TCEA2: variants seen among roughly 807,000 people sequenced by gnomAD.
TCEA2 encodes the protein transcription elongation factor A2.
In TCEA2, 21 loss-of-function variants were observed where a neutral mutation model predicts 40.8. The ratio of observed to expected loss-of-function variants is 0.51; its 90% CI spans 0.36 to 0.74. TCEA2 has a LOEUF of 0.74. TCEA2 is among the 30% of genes least tolerant of loss of function. TCEA2 has a pLI of 0.00. For synonymous variants in TCEA2, 165 were observed against 162.7 expected (o/e 1.01, Z -0.11); for missense variants, 326 against 426.5 (o/e 0.76, Z 2.08).
chr20:64,059,334 C>A (rs1229694396), upstream of TCEA2, among the ~76,000 whole-genome samples: 2 of 152,192 alleles, frequency 1.3e-5, no homozygotes, highest in Non-Finnish European at 2.9e-5. Flanking sequence ...CCCGACCGCC[C>A]CCCACCAGCT....
intron 1 of TCEA2, 76 bp from the exon 2 acceptor site, chr20:64,066,400 C>A: frequency 6.5e-7 from 1 of 1,546,924 alleles, no homozygotes; most frequent in Non-Finnish European, 8.9e-7. Flanking sequence ...TTGTGTTCTC[C>A]TCCAGTAGGC....
chr20:64,069,880 G>A (rs757784962), intron 6 of TCEA2, 59 bp downstream of exon 6: 2 of 1,592,692 alleles, frequency 1.3e-6, no homozygotes, highest in Non-Finnish European at 1.7e-6. Flanking sequence ...AGGCTGCCTG[G>A]CCTGGTGCCC....
At chr20:64,058,658 C>A (rs895226310), upstream of TCEA2, among the ~76,000 whole-genome samples, 1 of 152,264 alleles carries the variant, frequency 6.6e-6, no homozygotes, top group Non-Finnish European at 1.5e-5. The surrounding 1 kb of genome is among the most constrained non-coding windows in gnomAD (Gnocchi z 6.7). Context: ...GTTCTACCAA[C>A]ACACAGTTAT....
intron 6 of TCEA2, 121 bp downstream of exon 6, chr20:64,069,942 G>C: frequency 7.9e-7 from 1 of 1,265,356 alleles, no homozygotes; most frequent in African/African-American, 1.5e-5. Context: ...CACCTGCCTG[G>C]GTGGTCACCT....
At chr20:64,060,402 C>T (rs1056144798), upstream of TCEA2, among the ~76,000 whole-genome samples, 1 of 152,248 alleles carries the variant, frequency 6.6e-6, no homozygotes, top group Admixed American at 6.5e-5. Flanking sequence ...GAAACCCTGG[C>T]CGCCCGGACC....
chr20:64,063,776 G>A (rs1219359935), intron 1 of TCEA2: 3 of 208,210 alleles, frequency 1.4e-5, no homozygotes, highest in East Asian at 2.4e-4. Flanking sequence ...CGGGGTGTTC[G>A]GGCCTCCTCT....
chr20:64,072,271 G>A lies in TCEA2; in HGVS notation c.*91G>A. ...CTCTGGAGACCCTAGAAGGCGGCAT[G>A]TCCTGCCCTCAACCTGCCTGCCTGG... On this transcript the variant is annotated 3_prime_UTR_variant, in exon 10 of 10. Transcript: ENST00000343484. 1 of 1,447,280 alleles carries A rather than the reference G, an allele frequency of 6.9e-7. No individual in the cohort carries two copies. Among genetic ancestry groups the A allele is most frequent in the Non-Finnish European group, 9.5e-7 (1 of 1,051,478 alleles). 89.7% of individuals were successfully genotyped at this position (1,447,280 alleles called of 1,614,324 possible).
In TCEA2 at chr20:64,070,412, G is replaced by A. The variant is rs1328414158; in HGVS notation, c.670G>A (p.Glu224Lys). The A allele has an allele frequency of 1.2e-6, 2 of 1,614,034 alleles. No homozygotes were observed. The highest frequency in any genetic ancestry group is 1.7e-6 in the Non-Finnish European group (2 of 1,180,042). ...CCAGCAGATCGCTGTGATGACCTCA[G>A]AGGTGAGCCCCTGTTGGAGGGGCTG... ...TPQQIAVMTS[E>K]EMASDELKEI... Residue 224 changes from glutamate (E) to lysine (K), a missense_variant and splice_region_variant, in exon 7 of 10, where the codon GAG becomes AAG. Glu to Lys is a moderately conservative substitution (Grantham distance 56). Coordinates refer to ENST00000343484, the MANE Select transcript of TCEA2 (RefSeq NM_003195.6).
intron 8 of TCEA2, among the ~76,000 whole-genome samples, chr20:64,071,199 T>G (rs2059822011): frequency 6.6e-6 from 1 of 152,016 alleles, no homozygotes; most frequent in South Asian, 2.1e-4. Context: ...AATACAAAAA[T>G]TAGCTGGGCG....
intron 6 of TCEA2, 36 bp downstream of exon 6, chr20:64,069,857 T>C: frequency 1.2e-6 from 2 of 1,608,708 alleles, no homozygotes; most frequent in Non-Finnish European, 1.7e-6. Context: ...CCTGGGTTTC[T>C]GGTGGAGTCA....
upstream of TCEA2, among the ~76,000 whole-genome samples, chr20:64,055,642 G>A (rs2059466017): frequency 6.6e-6 from 1 of 152,148 alleles, no homozygotes; most frequent in South Asian, 2.1e-4. The surrounding 1 kb of genome is among the most constrained non-coding windows in gnomAD (Gnocchi z 4.0). Flanking sequence ...GCTCTGGGAG[G>A]GTCTTGCATT....
At chr20:64,062,300 TC>T (rs1467429516), upstream of TCEA2, 13 of 152,346 alleles carry the variant, frequency 8.5e-5, no homozygotes, top group African/African-American at 3.1e-4. Context: ...CCTGCACCTG[TC>T]CCCGTCCTCA....
At chr20:64,068,254 C>G in intron 4 of TCEA2, 120 bp downstream of exon 4, 1 of 881,422 alleles carries the variant, frequency 1.1e-6, no homozygotes, top group South Asian at 1.5e-5. Context: ...CAGAGTCGGT[C>G]AGCCTCATGC....
chr20:64,065,438 C>T (rs1429904726), intron 1 of TCEA2: 1 of 151,584 alleles, frequency 6.6e-6, no homozygotes, highest in Non-Finnish European at 1.5e-5. Flanking sequence ...AACACATGCA[C>T]GTGTTACAGA....
chr20:64,066,306 T>C (rs1373048146), intron 1 of TCEA2, 170 bp from the exon 2 acceptor site: 1 of 689,118 alleles, frequency 1.5e-6, no homozygotes, highest in African/African-American at 1.8e-5. Flanking sequence ...TGCAGGAACA[T>C]GTGGGCAGAG....
intron 8 of TCEA2, among the ~76,000 whole-genome samples, chr20:64,070,914 C>T (rs2059813971): frequency 6.6e-6 from 1 of 152,282 alleles, no homozygotes; most frequent in East Asian, 1.9e-4. Context: ...AACGGAGGGC[C>T]CTCGAGGTGT....
At position 64,070,584 on chromosome 20, in the gene TCEA2, A is replaced by G. The variant is rs1329328546; in HGVS notation, c.768A>G (p.Thr256=). 1.2e-6 allele frequency: 2 copies of G among 1,613,338 alleles called. No homozygotes were observed. The highest frequency in any genetic ancestry group is 2.7e-5 in the African/African-American group (2 of 74,944). The change falls in exon 8 of 10, where the codon ACA becomes ACG. Residue 256 remains threonine, a synonymous_variant. Coordinates refer to ENST00000343484, the MANE Select transcript of TCEA2 (RefSeq NM_003195.6). The stretch of plus-strand genomic sequence containing the variant: ...TGGCCCGCACTGGCGGCACGCAGAC[A>G]GACCTGTTCACCTGCGGCAAGTGCA... ...HQMARTGGTQ[T]DLFTCGKCRK... is the part of the protein sequence containing the mutation.
At chr20:64,056,210 G>T (rs2059471842), upstream of TCEA2, among the ~76,000 whole-genome samples, 1 of 152,116 alleles carries the variant, frequency 6.6e-6, no homozygotes, top group South Asian at 2.1e-4. Flanking sequence ...ACGCTGCCCT[G>T]GGCAGGTGGC....
upstream of TCEA2, among the ~76,000 whole-genome samples, chr20:64,059,059 G>T (rs747456098): frequency 2.2e-4 from 34 of 152,106 alleles, no homozygotes; most frequent in Non-Finnish European, 3.8e-4. Context: ...CGGGTGTGGT[G>T]GCGCATGCCT....
Sources: gnomAD v4.1 joint callset for allele counts (sites outside exome capture counted in the v4.1 genomes callset) on GRCh38, gnomAD v4.1.1 for gene constraint, Gnocchi (gnomAD v3.1) non-coding constraint, MANE v1.5 for transcripts, NCBI Gene and HGNC (gene_info 2026-07-23, HGNC 2026-07-21) for gene names.